CCDC77: variants seen among roughly 807,000 people sequenced by gnomAD.
CCDC77 encodes coiled-coil domain-containing protein 77.
CCDC77 carries 56 observed loss-of-function variants against 66.8 expected under a neutral mutation model. That is an observed-to-expected ratio of 0.84 (90% CI 0.68 to 1.05). The LOEUF (loss-of-function observed/expected upper bound fraction) is 1.05. Ranked by LOEUF, CCDC77 falls within the 50% of genes least tolerant of loss-of-function variation. The probability of loss-of-function intolerance (pLI) is 0.00; values close to 1 mark genes in which losing one functional copy is unlikely to be tolerated. For missense variants in CCDC77, 570 were observed against 576.8 expected, an observed-to-expected ratio of 0.99 and a Z score of 0.12; for synonymous variants, 196 against 195.2, an observed-to-expected ratio of 1.00 and a Z score of -0.03.
chr12:416,407 A>G lies in CCDC77; in HGVS notation c.271-2087A>G, dbSNP rs1285671999. On this transcript the variant is annotated intron_variant, in intron 4 of 12. Transcript: ENST00000239830. ...TATATATATATATATATATATATAT[A>G]TATATATATTTCTTTTTTTTTTTTT... 2.8e-4 allele frequency among the ~76,000 whole-genome samples: 15 copies of G among 53,904 alleles called. 1 individual carries two copies. The Admixed American group carries it at 3.4e-3, about 12-fold the overall frequency. 35.4% of individuals were successfully genotyped at this position (53,904 alleles called of 152,430 possible).
At chr12:415,338 G>C (rs866671851) in intron 4 of CCDC77, among the ~76,000 whole-genome samples, 1 of 99,718 alleles carries the variant, frequency 1.0e-5, no homozygotes, top group South Asian at 3.8e-4. Flanking sequence ...ATAATATTAT[G>C]TTAATATAAT....
At position 441,810 on chromosome 12, in the gene CCDC77, C is replaced by G. The variant is rs758723625; in HGVS notation, c.1357C>G (p.Leu453Val). ...VNARANQDLA[L>V]LCEVRDSNRR... ...TGCCCGGGCAAACCAGGATCTTGCC[C>G]TTCTGTGTGAGGTCCGTGACAGCAA... The change falls in exon 13 of 13, where the codon CTT (leucine) becomes GTT (valine). Residue 453 changes from leucine (L) to valine (V), a missense_variant. Leu to Val is a conservative substitution (Grantham distance 32). Transcript: ENST00000239830. 2 of 1,612,488 alleles carry G rather than the reference C, an allele frequency of 1.2e-6. No homozygotes were observed. Among genetic ancestry groups the G allele is most frequent in the Non-Finnish European group, 1.7e-6 (2 of 1,179,864 alleles).
intron 4 of CCDC77, among the ~76,000 whole-genome samples, chr12:413,666 C>T (rs57468864): frequency 0.021 from 2,954 of 142,340 alleles, 141 homozygotes; most frequent in African/African-American, 0.074. Flanking sequence ...CTCGCTCTGT[C>T]GCCCAGGCTG....
chr12:435,543 A>G (rs1945735310), intron 9 of CCDC77, among the ~76,000 whole-genome samples: 1 of 152,250 alleles, frequency 6.6e-6, no homozygotes, highest in Non-Finnish European at 1.5e-5. Context: ...GGAGCACAAC[A>G]TACACAAAAG....
intron 5 of CCDC77, among the ~76,000 whole-genome samples, chr12:425,893 C>T (rs1945519481): frequency 6.6e-6 from 1 of 152,168 alleles, no homozygotes; most frequent in African/African-American, 2.4e-5. Flanking sequence ...GAGATGGCGT[C>T]TCAGTCTGTC....
chr12:425,582 C>G (rs1461495311), intron 5 of CCDC77, among the ~76,000 whole-genome samples: 1 of 151,854 alleles, frequency 6.6e-6, no homozygotes, highest in African/African-American at 2.4e-5. Context: ...CCTGAAGTCT[C>G]CTTTCGGGCA....
intron 9 of CCDC77, among the ~76,000 whole-genome samples, chr12:437,817 A>G (rs1456656908): frequency 1.4e-5 from 2 of 145,642 alleles, no homozygotes; most frequent in Admixed American, 7.2e-5. Context: ...CTGCACTCCA[A>G]CCTACGTGAC....
At chr12:397,205 T>A (rs899673673), upstream of CCDC77, among the ~76,000 whole-genome samples, 1 of 152,068 alleles carries the variant, frequency 6.6e-6, no homozygotes, top group Non-Finnish European at 1.5e-5. Context: ...TTTTATAGAA[T>A]GGATTGGAGG....
intron 3 of CCDC77, among the ~76,000 whole-genome samples, chr12:410,212 C>T (rs1220445827): frequency 6.6e-6 from 1 of 151,864 alleles, no homozygotes; most frequent in Non-Finnish European, 1.5e-5. Flanking sequence ...AAATTGCAGA[C>T]AACCAAATTG....
chr12:417,132 C>CAAA lies in CCDC77; in HGVS notation c.271-1348_271-1346dup, dbSNP rs35593098. Among the ~76,000 whole-genome samples, 361 of 128,298 alleles carry CAAA rather than the reference C, an allele frequency of 2.8e-3. 3 individuals carry two copies. The highest frequency in any genetic ancestry group is 0.012 in the Middle Eastern group (3 of 250). 84.2% of individuals were successfully genotyped at this position (128,298 alleles called of 152,430 possible). On this transcript the variant is annotated intron_variant, in intron 4 of 12. Transcript: ENST00000239830. ...TGGACGACAGAGCAAGGCTCTGTCT[C>CAAA]AAAAAAAAAAAAAAAATAGAGCAGG...
At chr12:436,169 G>C (rs1351781735) in intron 9 of CCDC77, among the ~76,000 whole-genome samples, 6 of 141,046 alleles carry the variant, frequency 4.3e-5, no homozygotes, top group East Asian at 2.0e-4. Context: ...CCAGGCTGGA[G>C]TGCAGTGGCA....
Position 409,412 on chromosome 12 carries a change from T to C in CCDC77, c.29T>C (p.Val10Ala). 6.2e-7 allele frequency: 1 copy of C among 1,613,376 alleles called. No homozygotes were observed. Among genetic ancestry groups the C allele is most frequent in the Non-Finnish European group, 8.5e-7 (1 of 1,179,802 alleles). Reference protein sequence around the residue: MNFTPTHTPVCRKRTVVSKR... With the variant: MNFTPTHTPACRKRTVVSKR... ...AACTTTACCCCAACACACACCCCTG[T>C]CTGCAGAAAGTAAGACATTTGCTTA... The change falls in exon 3 of 13, where the codon GTC becomes GCC. Residue 10 changes from valine (V) to alanine (A), a missense_variant. Transcript: ENST00000239830.
intron 5 of CCDC77, among the ~76,000 whole-genome samples, chr12:423,114 CTTTT>C (rs139334337): frequency 1.6e-4 from 12 of 74,572 alleles, no homozygotes; most frequent in African/African-American, 6.4e-4. Flanking sequence ...TCTTTTAAGC[CTTTT>C]TTTTTTTTTT....
At chr12:410,261 A>AT (rs1945080502) in intron 3 of CCDC77, among the ~76,000 whole-genome samples, 1 of 92,116 alleles carries the variant, frequency 1.1e-5, no homozygotes, top group South Asian at 3.7e-4. Flanking sequence ...CTTCTGTACT[A>AT]TTTTTGTTTT....
intron 4 of CCDC77, among the ~76,000 whole-genome samples, chr12:414,158 C>T (rs1945176354): frequency 6.7e-6 from 1 of 150,266 alleles, no homozygotes; most frequent in African/African-American, 2.5e-5. Context: ...ATGGCACAAT[C>T]TCGGCTCACT....
chr12:416,367 GTGTGTGTGTGTATATA>G (rs1383565486), intron 4 of CCDC77, among the ~76,000 whole-genome samples: 228 of 30,160 alleles, frequency 7.6e-3, no homozygotes, highest in East Asian at 0.021. Flanking sequence ...GTGTGTGTGT[GTGTGTGTGTGTATATA>G]TATATATATA....
At chr12:424,930 T>G (rs1366186477) in intron 5 of CCDC77, among the ~76,000 whole-genome samples, 1 of 151,092 alleles carries the variant, frequency 6.6e-6, no homozygotes, top group Admixed American at 6.6e-5. Context: ...TTTTTTTTTT[T>G]TTTTTTAATT....
At chr12:394,654 A>G (rs1215208235) in intron 1 of CCDC77, among the ~76,000 whole-genome samples, 1 of 152,220 alleles carries the variant, frequency 6.6e-6, no homozygotes, top group East Asian at 1.9e-4. Flanking sequence ...CTTTGCCACC[A>G]GTGTGATTTT....
intron 1 of CCDC77, among the ~76,000 whole-genome samples, chr12:391,562 C>G (rs992036398): frequency 1.3e-5 from 2 of 152,154 alleles, no homozygotes; most frequent in African/African-American, 4.8e-5. Context: ...AAACAAGCCA[C>G]TGATAATTCA....
Sources: allele counts gnomAD v4.1 joint callset (sites outside exome capture counted in the v4.1 genomes callset), GRCh38; gene constraint gnomAD v4.1.1; transcripts MANE v1.5; gene names NCBI Gene and HGNC (gene_info 2026-07-23, HGNC 2026-07-21).